The following RUBCN variants were observed in gnomAD, a reference collection of about 807,000 sequenced individuals.
RUBCN encodes rubicon autophagy regulator, also known as run domain Beclin-1-interacting and cysteine-rich domain-containing protein.
A neutral mutation model predicts 113.2 loss-of-function variants in RUBCN; 74 were observed. That is an observed-to-expected ratio of 0.65 (90% confidence interval 0.54 to 0.79). The LOEUF (loss-of-function observed/expected upper bound fraction) is 0.79, where lower values mean the gene tolerates loss of function less well. Ranked by LOEUF, RUBCN falls within the 30% of genes least tolerant of loss-of-function variation. The pLI, the probability that RUBCN is intolerant of heterozygous loss-of-function variation, is 0.00. For missense variants in RUBCN, 1,109 were observed against 1,251.7 expected (o/e 0.89, Z 1.72); for synonymous variants, 480 against 490.0 (o/e 0.98, Z 0.27).
intron 5 of RUBCN, 44 bp downstream of exon 5, chr3:197,703,504 C>T: frequency 7.4e-7 from 1 of 1,357,090 alleles, no homozygotes; most frequent in Non-Finnish European, 1.1e-6. Context: ...CTGCTGAGCT[C>T]CAGGGACCCA....
chr3:197,679,743 T>C (rs1279306687), intron 16 of RUBCN, among the ~76,000 whole-genome samples: 1 of 148,898 alleles, frequency 6.7e-6, no homozygotes, highest in Non-Finnish European at 1.5e-5. Context: ...CTCTGACAAC[T>C]GGCTCCAGAC....
chr3:197,675,414 G>T lies in RUBCN; in HGVS notation c.2740+8C>A. 6.2e-7 allele frequency: 1 copy of T among 1,609,212 alleles called. No homozygotes were observed. Among genetic ancestry groups the T allele is most frequent in the Non-Finnish European group, 8.5e-7 (1 of 1,176,000 alleles). On this transcript the variant is annotated splice_region_variant and intron_variant, in intron 19 of 19. Coordinates refer to ENST00000296343, the MANE Select transcript of RUBCN (RefSeq NM_014687.4). The surrounding 1 kb of genome is among the most constrained non-coding windows in gnomAD (Gnocchi z 4.4). ...GCTCACTTGCCCGATGCCTGCACCT[G>T]CCCTCACCTTCACAGGTCCGGCACT...
At chr3:197,697,193 C>T in intron 7 of RUBCN, 144 bp from the exon 8 acceptor site, 1 of 670,316 alleles carries the variant, frequency 1.5e-6, no homozygotes, top group Non-Finnish European at 2.8e-6. Context: ...ACGGAACAGC[C>T]CAAGGGTACA....
chr3:197,703,532 T>TCCTTGTC lies in RUBCN; in HGVS notation c.570+9_570+15dup. The stretch of plus-strand genomic sequence containing the variant: ...GGGACCCAGCATAGACGTGGATAAT[T>TCCTTGTC]CCTTGTCCCCTGTACCATGGACGCA... On this transcript the variant is annotated intron_variant, in intron 5 of 19. Transcript: ENST00000296343. The TCCTTGTC allele has an allele frequency of 1.9e-6, 3 of 1,569,800 alleles. No homozygotes were observed. The highest frequency in any genetic ancestry group is 2.6e-6 in the Non-Finnish European group (3 of 1,141,622).
In RUBCN at chr3:197,669,971, C is replaced by A. The variant is rs1020679278; in HGVS notation, c.*5047G>T. ...TGGCGTGATCTCGGCTCACTGCAAC[C>A]TCCGCCACCCGGGTTCAAGCAATTC... is the stretch of plus-strand genomic sequence containing the variant. On this transcript the variant is annotated 3_prime_UTR_variant, in exon 20 of 20. Transcript: ENST00000296343. 6.6e-6 allele frequency among the ~76,000 whole-genome samples: 1 copy of A among 152,160 alleles called. No individual in the cohort carries two copies. The highest frequency in any genetic ancestry group is 2.4e-5 in the African/African-American group (1 of 41,436).
At chr3:197,709,225 T>A (rs1028690001) in intron 2 of RUBCN, among the ~76,000 whole-genome samples, 4 of 152,238 alleles carry the variant, frequency 2.6e-5, no homozygotes, top group Non-Finnish European at 4.4e-5. Flanking sequence ...AAGCAGTTTT[T>A]TCCTGTTCTT....
intron 16 of RUBCN, among the ~76,000 whole-genome samples, chr3:197,680,377 C>T (rs530880756): frequency 1.3e-5 from 2 of 149,690 alleles, no homozygotes; most frequent in African/African-American, 2.5e-5. Context: ...TGGCTCCAGA[C>T]TGTCCTGTGC....
At chr3:197,747,390 C>CTT (rs397937984) in intron 1 of RUBCN, among the ~76,000 whole-genome samples, 1,577 of 144,396 alleles carry the variant, frequency 0.011, 19 homozygotes, top group Non-Finnish European at 0.017. Flanking sequence ...AAAAGAGAAT[C>CTT]TTTTTTTTTT....
At chr3:197,711,795 C>G (rs970982051) in intron 2 of RUBCN, among the ~76,000 whole-genome samples, 1 of 151,936 alleles carries the variant, frequency 6.6e-6, no homozygotes, top group Non-Finnish European at 1.5e-5. Flanking sequence ...TATCTAGCTA[C>G]GTAAAATACA....
At chr3:197,737,859 G>A (rs1728305364), upstream of RUBCN, among the ~76,000 whole-genome samples, 2 of 152,074 alleles carry the variant, frequency 1.3e-5, no homozygotes, top group Non-Finnish European at 2.9e-5. Context: ...TGAAAGAAAC[G>A]TGGGCCTAGG....
intron 4 of RUBCN, 59 bp downstream of exon 4, chr3:197,704,483 T>C (rs552721876): frequency 4.0e-6 from 6 of 1,502,602 alleles, no homozygotes; most frequent in Non-Finnish European, 5.6e-6. Context: ...GGGTAGAGGA[T>C]AGTGAGGTGG....
chr3:197,722,834 C>T (rs1726316967), intron 1 of RUBCN, among the ~76,000 whole-genome samples: 2 of 152,028 alleles, frequency 1.3e-5, no homozygotes, highest in Non-Finnish European at 2.9e-5. Context: ...CCCTTTAAGT[C>T]TATGTATGTC....
chr3:197,717,461 G>A (rs1169384986), intron 2 of RUBCN, among the ~76,000 whole-genome samples: 5 of 151,952 alleles, frequency 3.3e-5, no homozygotes, highest in African/African-American at 7.3e-5. Flanking sequence ...AAAAGGGGGG[G>A]GCAGAGAGAG....
At chr3:197,734,378 T>C (rs1248829233) in intron 1 of RUBCN, among the ~76,000 whole-genome samples, 1 of 148,082 alleles carries the variant, frequency 6.8e-6, no homozygotes, top group African/African-American at 2.5e-5. Flanking sequence ...GAGACCAGCC[T>C]AGGCAACATA....
chr3:197,698,254 T>C (rs1723229533), intron 7 of RUBCN, among the ~76,000 whole-genome samples: 1 of 152,254 alleles, frequency 6.6e-6, no homozygotes, highest in Non-Finnish European at 1.5e-5. Flanking sequence ...TAAATGATGG[T>C]CCTACAGACT....
intron 1 of RUBCN, among the ~76,000 whole-genome samples, chr3:197,736,050 C>G (rs898392789): frequency 6.6e-6 from 1 of 152,210 alleles, no homozygotes; most frequent in Non-Finnish European, 1.5e-5. Flanking sequence ...CTGCCACTCT[C>G]TGACAGGGAT....
Position 197,674,860 on chromosome 3 carries a change from A to AATGTAGGTG in RUBCN, c.*157_*158insCACCTACAT. On this transcript the variant is annotated 3_prime_UTR_variant, in exon 20 of 20. Transcript: ENST00000296343. ...TCAACCTGCCGACGGCTGACTGCAC[A>AATGTAGGTG]CAGACGTCAGACAAGTCAGTAAAAA... 3.2e-6 allele frequency: 2 copies of AATGTAGGTG among 626,348 alleles called. No individual in the cohort carries two copies. Among genetic ancestry groups the AATGTAGGTG allele is most frequent in the Non-Finnish European group, 5.2e-6 (2 of 385,518 alleles). 38.8% of individuals were successfully genotyped at this position (626,348 alleles called of 1,614,324 possible). A position where few individuals can be genotyped will look rare whatever the true frequency, so the allele number is the denominator to read the frequency against.
rs1331889349 is a variant in RUBCN, at chr3:197,688,460, C to T, written c.1787-4243G>A. 3.3e-5 allele frequency among the ~76,000 whole-genome samples: 5 copies of T among 152,212 alleles called. No homozygotes were observed. In the East Asian group the frequency reaches 9.6e-4, roughly 29 times the overall value. The stretch of plus-strand genomic sequence containing the variant: ...CTCCTCATGAGCCAGTTTCCCATTC[C>T]ATGATTCCCACATTATAGTAGAAAT... On this transcript the variant is annotated intron_variant, in intron 11 of 19. Coordinates refer to ENST00000296343, the MANE Select transcript of RUBCN (RefSeq NM_014687.4).
intron 2 of RUBCN, among the ~76,000 whole-genome samples, chr3:197,710,610 AAAAG>A (rs1560447907): frequency 6.6e-6 from 1 of 152,084 alleles, no homozygotes; most frequent in East Asian, 1.9e-4. Flanking sequence ...AAAAAAAAAA[AAAAG>A]AAAGAAATGT....
Sources: allele counts gnomAD v4.1 joint callset (sites outside exome capture counted in the v4.1 genomes callset), GRCh38; gene constraint gnomAD v4.1.1; non-coding constraint Gnocchi (gnomAD v3.1); transcripts MANE v1.5; gene names NCBI Gene and HGNC (gene_info 2026-07-23, HGNC 2026-07-21).